CTNNA2: variants seen among roughly 807,000 people sequenced by gnomAD.
CTNNA2 encodes catenin alpha 2, also known as catenin alpha-2.
A neutral mutation model predicts 101.0 loss-of-function variants in CTNNA2; 42 were observed. The ratio of observed to expected loss-of-function variants is 0.42; its 90% CI spans 0.32 to 0.54. The LOEUF (loss-of-function observed/expected upper bound fraction) is 0.54. Among genes scored for constraint, CTNNA2 ranks in the 20% least tolerant of loss-of-function variants. CTNNA2 has a pLI of 0.14. For missense variants in CTNNA2, 871 were observed against 1,223.1 expected (o/e 0.71, Z 4.29); for synonymous variants, 450 against 456.4 (o/e 0.99, Z 0.18).
chr2:80,431,640 G>C (rs1265507431), intron 9 of CTNNA2, among the ~76,000 whole-genome samples: 1 of 152,192 alleles, frequency 6.6e-6, no homozygotes, highest in Non-Finnish European at 1.5e-5. Flanking sequence ...TAGTTGAGCT[G>C]TTCTAAATCG....
chr2:80,607,932 A>G (rs144848018), intron 16 of CTNNA2, among the ~76,000 whole-genome samples: 2 of 151,896 alleles, frequency 1.3e-5, no homozygotes, highest in Non-Finnish European at 2.9e-5. Context: ...ACTCATAAAC[A>G]TGTATAGAAG....
At position 80,000,787 on chromosome 2, in the gene CTNNA2, C is replaced by G. The variant is rs557251134; in HGVS notation, c.1056+90990C>G. ...GGCTTTTGCTGTGCTGTGCTGCATT[C>G]CTGCCTAGGGATTTAGGGCAAATTG... is the stretch of plus-strand genomic sequence containing the variant. On this transcript the variant is annotated intron_variant, in intron 7 of 18. Coordinates refer to ENST00000402739, the MANE Select transcript of CTNNA2 (RefSeq NM_001282597.3). 2.0e-5 allele frequency among the ~76,000 whole-genome samples: 3 copies of G among 152,270 alleles called. No homozygotes were observed. The South Asian group carries it at 6.2e-4, about 32-fold the overall frequency.
chr2:79,604,453 A>T (rs1677754659), intron 1 of CTNNA2, among the ~76,000 whole-genome samples: 1 of 152,194 alleles, frequency 6.6e-6, no homozygotes, highest in African/African-American at 2.4e-5. Context: ...TTCCAGTCAG[A>T]TCCTGGTGGA....
chr2:79,547,763 A>G (rs1310915708), intron 1 of CTNNA2: 1 of 152,524 alleles, frequency 6.6e-6, no homozygotes, highest in African/African-American at 2.4e-5. Context: ...GTCTAATGAA[A>G]CTACCACATG....
At chr2:79,967,047 A>C (rs1346108088) in intron 7 of CTNNA2, among the ~76,000 whole-genome samples, 1 of 151,826 alleles carries the variant, frequency 6.6e-6, no homozygotes, top group African/African-American at 2.4e-5. Flanking sequence ...TCCATTCATG[A>C]CTTCCAAGTT....
chr2:80,251,666 G>C (rs1357383259), intron 7 of CTNNA2, among the ~76,000 whole-genome samples: 1 of 152,074 alleles, frequency 6.6e-6, no homozygotes, highest in African/African-American at 2.4e-5. Context: ...CTTTGTTATT[G>C]GATGATTGCT....
intron 7 of CTNNA2, among the ~76,000 whole-genome samples, chr2:80,008,697 G>A (rs926365036): frequency 3.9e-5 from 6 of 152,176 alleles, no homozygotes; most frequent in Admixed American, 6.5e-5. Flanking sequence ...TTTTGAGCAC[G>A]TCACTTATGT....
At chr2:80,222,875 A>G (rs1004486936) in intron 7 of CTNNA2, among the ~76,000 whole-genome samples, 2 of 152,164 alleles carry the variant, frequency 1.3e-5, no homozygotes, top group Admixed American at 6.5e-5. Flanking sequence ...TGTTTAATAA[A>G]TGTTAAAGTC....
intron 7 of CTNNA2, among the ~76,000 whole-genome samples, chr2:80,360,559 C>G (rs1674303486): frequency 6.6e-6 from 1 of 151,930 alleles, no homozygotes; most frequent in African/African-American, 2.4e-5. Context: ...AATTTTAGGT[C>G]ATAATACTAA....
At chr2:79,950,516 C>T (rs1378978665) in intron 7 of CTNNA2, among the ~76,000 whole-genome samples, 1 of 152,178 alleles carries the variant, frequency 6.6e-6, no homozygotes, top group Admixed American at 6.5e-5. Flanking sequence ...TACGGCAGGC[C>T]TTACCTAAGG....
At chr2:80,246,803 T>A (rs1671362951) in intron 7 of CTNNA2, among the ~76,000 whole-genome samples, 1 of 152,220 alleles carries the variant, frequency 6.6e-6, no homozygotes, top group Non-Finnish European at 1.5e-5. Context: ...CATCTGCACA[T>A]ATTCCCTAGC....
chr2:79,771,484 G>A (rs1467820234), intron 3 of CTNNA2, among the ~76,000 whole-genome samples: 2 of 152,186 alleles, frequency 1.3e-5, no homozygotes, highest in Non-Finnish European at 2.9e-5. Flanking sequence ...TCACCATAAT[G>A]TAGAATCAGT....
At chr2:79,856,324 A>G (rs1024412972) in intron 3 of CTNNA2, among the ~76,000 whole-genome samples, 1 of 152,238 alleles carries the variant, frequency 6.6e-6, no homozygotes, top group Non-Finnish European at 1.5e-5. Flanking sequence ...TTATATTCTG[A>G]TCGGCCTATA....
chr2:79,450,081 A>G (rs767264402), intron 4 of CTNNA2, among the ~76,000 whole-genome samples: 49 of 152,060 alleles, frequency 3.2e-4, no homozygotes, highest in Middle Eastern at 3.4e-3. Context: ...GTGACACTCT[A>G]TGGATTCCAG....
rs544312643 is a variant in CTNNA2 at position 79,302,439 on chromosome 2, G to A, written c.-405-10270G>A. On this transcript the variant is annotated intron_variant, in intron 2 of 21. Transcript: ENST00000466387. ...TCTGTCACTTGAGTAAAGAGTAGCT[G>A]CAAGGAATGTGGGAGAGGCAGAACA... is the stretch of plus-strand genomic sequence containing the variant. Among the ~76,000 whole-genome samples, 7 of 152,284 alleles carry A rather than the reference G, an allele frequency of 4.6e-5. No homozygotes were observed. In the South Asian group the frequency reaches 1.2e-3, roughly 27 times the overall value.
intron 7 of CTNNA2, among the ~76,000 whole-genome samples, chr2:80,391,495 A>T (rs1677513275): frequency 6.6e-6 from 1 of 152,228 alleles, no homozygotes; most frequent in Non-Finnish European, 1.5e-5. Context: ...TTTGAAAGTA[A>T]GTTTTTTTAT....
In CTNNA2 at chr2:79,424,488, T is replaced by C. The variant is rs371922740; in HGVS notation, c.-135+50475T>C. Among the ~76,000 whole-genome samples, 3 of 152,276 alleles carry C rather than the reference T, an allele frequency of 2.0e-5. No individual in the cohort carries two copies. In the East Asian group the frequency reaches 5.8e-4, roughly 30 times the overall value. Reference sequence around the variant, plus strand: ...AGTGAAATATAGTTTGGGCCTTTTATGTAATGGGCACACCGTTAGTGGTTA... The same window carrying C: ...AGTGAAATATAGTTTGGGCCTTTTACGTAATGGGCACACCGTTAGTGGTTA... On this transcript the variant is annotated intron_variant, in intron 4 of 21. Transcript: ENST00000466387.
At chr2:79,193,641 A>G (rs975376884) in intron 1 of CTNNA2, among the ~76,000 whole-genome samples, 7 of 152,146 alleles carry the variant, frequency 4.6e-5, no homozygotes, top group Non-Finnish European at 4.4e-5. Flanking sequence ...TTGACCTCCA[A>G]TTTCAAATAG....
chr2:79,672,891 G>A (rs577146871), intron 2 of CTNNA2, among the ~76,000 whole-genome samples: 67 of 151,772 alleles, frequency 4.4e-4, no homozygotes, highest in Non-Finnish European at 8.7e-4. Flanking sequence ...TGTATTTTTA[G>A]TAGAGACAAG....
Sources: gnomAD v4.1 joint callset for allele counts (sites outside exome capture counted in the v4.1 genomes callset) on GRCh38, gnomAD v4.1.1 for gene constraint, MANE v1.5 for transcripts, NCBI Gene and HGNC (gene_info 2026-07-23, HGNC 2026-07-21) for gene names.